The following SHLD2 variants were observed in gnomAD, a reference collection of about 807,000 sequenced individuals.
SHLD2 encodes the protein RINN1-REV7-interacting novel NHEJ regulator 2.
A neutral mutation model predicts 73.2 loss-of-function variants in SHLD2; 30 were observed. The observed-to-expected ratio is 0.41, with a 90% confidence interval of 0.31 to 0.56. SHLD2 has a LOEUF of 0.56. SHLD2 is among the 20% of genes least tolerant of loss of function. The probability of loss-of-function intolerance (pLI) is 0.28; values close to 1 mark genes in which losing one functional copy is unlikely to be tolerated. For missense variants in SHLD2, 745 were observed against 1,055.9 expected, an observed-to-expected ratio of 0.71 and a Z score of 4.08; for synonymous variants, 285 against 370.1, an observed-to-expected ratio of 0.77 and a Z score of 2.64.
chr10:87,095,914 G>A (rs1185595572), intron 1 of SHLD2, among the ~76,000 whole-genome samples: 3 of 152,200 alleles, frequency 2.0e-5, no homozygotes, highest in African/African-American at 7.2e-5. Flanking sequence ...CTGGGCAACA[G>A]AGGGAGACCC....
intron 2 of SHLD2, among the ~76,000 whole-genome samples, chr10:87,098,236 G>A (rs996622061): frequency 6.6e-6 from 1 of 151,994 alleles, no homozygotes; most frequent in African/African-American, 2.4e-5. Flanking sequence ...GGGAGTGGCT[G>A]GGCGTGGTGG....
chr10:87,133,610 G>A (rs914152600), intron 2 of SHLD2, among the ~76,000 whole-genome samples: 2 of 152,186 alleles, frequency 1.3e-5, no homozygotes, highest in African/African-American at 4.8e-5. Context: ...AAGAATATCT[G>A]TAATTCCTGC....
chr10:87,094,735 G>A (rs1841682373), upstream of SHLD2: 2 of 1,528,292 alleles, frequency 1.3e-6, no homozygotes, highest in Non-Finnish European at 1.8e-6. This position sits in a 1 kb window ranked among gnomAD's most constrained non-coding sequence, Gnocchi z 6.6. Flanking sequence ...CCCGGCCCGG[G>A]ACAGCAACAG....
intron 2 of SHLD2, among the ~76,000 whole-genome samples, chr10:87,129,722 G>A (rs1844292201): frequency 2.0e-5 from 3 of 151,816 alleles, no homozygotes; most frequent in Admixed American, 2.0e-4. Flanking sequence ...TCAGGCTCAA[G>A]CGATCCTCCT....
chr10:87,101,268 T>A (rs1489418310), intron 2 of SHLD2, among the ~76,000 whole-genome samples: 1 of 152,202 alleles, frequency 6.6e-6, no homozygotes, highest in East Asian at 1.9e-4. Flanking sequence ...GTCTATACCC[T>A]TGTGTATATT....
At chr10:87,164,333 A>G (rs1192631625) in intron 4 of SHLD2, among the ~76,000 whole-genome samples, 1 of 149,626 alleles carries the variant, frequency 6.7e-6, no homozygotes, top group South Asian at 2.1e-4. Context: ...GCTTACTCCA[A>G]CTTCTGCCTC....
At chr10:87,171,978 C>T (rs979829756) in intron 6 of SHLD2, among the ~76,000 whole-genome samples, 1 of 152,070 alleles carries the variant, frequency 6.6e-6, no homozygotes, top group Non-Finnish European at 1.5e-5. Flanking sequence ...TATAGTGGAG[C>T]CGTAACAAAG....
rs558267833 is a variant in SHLD2 at position 87,151,070 on chromosome 10, G to A, written c.-5-280G>A. Among the ~76,000 whole-genome samples the A allele has an allele frequency of 3.9e-5, 6 of 152,142 alleles. No homozygotes were observed. In the East Asian group the frequency reaches 1.2e-3, roughly 30 times the overall value. ...AATCTCCTGACCTCGTGATCCACCC[G>A]CCTCGGCCTCCCAAAGAGCTGGGAT... On this transcript the variant is annotated intron_variant, in intron 2 of 9. Coordinates refer to ENST00000298786, the MANE Select transcript of SHLD2 (RefSeq NM_001330112.2).
At chr10:87,138,147 A>C (rs1051218762) in intron 2 of SHLD2, among the ~76,000 whole-genome samples, 2 of 151,900 alleles carry the variant, frequency 1.3e-5, no homozygotes, top group African/African-American at 4.8e-5. Context: ...AAAATACAAA[A>C]ATTAGCCGGG....
In SHLD2 at chr10:87,176,037, T is replaced by G; in HGVS notation, c.2112T>G (p.Ser704Arg). The part of the protein sequence containing the change: ...AITFKAKFQK[S>R]APSFVKISDL... ...CATTTAAAGCAAAATTTCAAAAAAG[T>G]GCACCCTCCTTTGTGAAGATATCAG... The change falls in exon 7 of 10, where the codon AGT (serine) becomes AGG (arginine). Residue 704 changes from serine to arginine, a missense_variant. Transcript: ENST00000298786. 6.5e-7 allele frequency: 1 copy of G among 1,548,518 alleles called. No homozygotes were observed.
Position 87,190,700 on chromosome 10 carries a change from T to C in SHLD2, c.*17T>C. ...CGTCTCTGAGGCCAGAGGAAGAAAT[T>C]GCAGGCATTTCAAGGAAGAAGTACT... On this transcript the variant is annotated 3_prime_UTR_variant, in exon 10 of 10. Transcript: ENST00000298786. 6.2e-7 allele frequency: 1 copy of C among 1,603,262 alleles called. No homozygotes were observed. The highest frequency in any genetic ancestry group is 1.1e-5 in the South Asian group (1 of 90,788).
At position 87,170,789 on chromosome 10, in the gene SHLD2, A is replaced by G. The variant is rs756955381; in HGVS notation, c.1829-51A>G. ...GTATCATCAGCTATTAAAGTATGGTATCACGTGTGATAGAGTAATGCCAAC... is the reference window on the plus strand; with the variant it reads ...GTATCATCAGCTATTAAAGTATGGTGTCACGTGTGATAGAGTAATGCCAAC... On this transcript the variant is annotated intron_variant, in intron 5 of 9. Transcript: ENST00000298786. 9 of 1,612,990 alleles carry G rather than the reference A, an allele frequency of 5.6e-6. No individual in the cohort carries two copies. The Admixed American group carries it at 6.7e-5, about 12-fold the overall frequency.
chr10:87,095,669 C>T (rs1455907305), intron 1 of SHLD2, among the ~76,000 whole-genome samples: 2 of 152,250 alleles, frequency 1.3e-5, no homozygotes, highest in Non-Finnish European at 2.9e-5. Context: ...TCTCACCACG[C>T]GAGCTTTTAT....
At chr10:87,125,854 G>T (rs969666356) in intron 2 of SHLD2, among the ~76,000 whole-genome samples, 4 of 152,194 alleles carry the variant, frequency 2.6e-5, no homozygotes, top group African/African-American at 9.6e-5. Flanking sequence ...TTGAACCCGG[G>T]AGGCGGAGGT....
chr10:87,124,996 G>A (rs1387405075), intron 2 of SHLD2, among the ~76,000 whole-genome samples: 1 of 152,068 alleles, frequency 6.6e-6, no homozygotes, highest in Non-Finnish European at 1.5e-5. Context: ...TCCTGCCTCG[G>A]CCTCCCAAAG....
intron 2 of SHLD2, among the ~76,000 whole-genome samples, chr10:87,112,316 A>C (rs115628497): frequency 1.9e-3 from 283 of 152,190 alleles, no homozygotes; most frequent in African/African-American, 6.5e-3. Context: ...AAACACATGA[A>C]ATAAACACAT....
intron 2 of SHLD2, among the ~76,000 whole-genome samples, chr10:87,124,050 TAAAG>T (rs1450598366): frequency 6.6e-6 from 1 of 151,716 alleles, no homozygotes; most frequent in African/African-American, 2.4e-5. Flanking sequence ...GAAATGAACT[TAAAG>T]CAAATGAATA....
intron 4 of SHLD2, among the ~76,000 whole-genome samples, chr10:87,162,293 C>T (rs1589609648): frequency 6.6e-6 from 1 of 152,034 alleles, no homozygotes; most frequent in East Asian, 1.9e-4. Flanking sequence ...TTTTGCATAA[C>T]CAAAACACTA....
intron 4 of SHLD2, among the ~76,000 whole-genome samples, chr10:87,168,490 T>A (rs1205567391): frequency 1.3e-5 from 2 of 150,712 alleles, no homozygotes; most frequent in Non-Finnish European, 3.0e-5. Context: ...CCCCAGCTAT[T>A]TGGGAGGCTG....
Sources: gnomAD v4.1 joint callset for allele counts (sites outside exome capture counted in the v4.1 genomes callset) on GRCh38, gnomAD v4.1.1 for gene constraint, Gnocchi (gnomAD v3.1) non-coding constraint, MANE v1.5 for transcripts, NCBI Gene and HGNC (gene_info 2026-07-23, HGNC 2026-07-21) for gene names.